Variants in SH3RF3 observed in about 807,000 individuals in gnomAD.
SH3RF3 encodes E3 ubiquitin-protein ligase SH3RF3.
SH3RF3 carries 29 observed loss-of-function variants against 66.3 expected under a neutral mutation model. The observed-to-expected ratio is 0.44, with a 90% CI of 0.33 to 0.60. SH3RF3 has a LOEUF of 0.60. Ranked by LOEUF, SH3RF3 falls within the 20% of genes least tolerant of loss-of-function variation. SH3RF3 has a pLI of 0.04. For synonymous variants in SH3RF3, 583 were observed against 532.0 expected (o/e 1.10, Z -1.32); for missense variants, 1,194 against 1,190.9 (o/e 1.00, Z -0.04).
intron 1 of SH3RF3, among the ~76,000 whole-genome samples, chr2:109,341,915 A>T (rs572621085): frequency 1.3e-5 from 2 of 152,342 alleles, no homozygotes; most frequent in Non-Finnish European, 2.9e-5. Context: ...AATTTGGAAT[A>T]TTCTGACAGA....
intron 8 of SH3RF3, among the ~76,000 whole-genome samples, chr2:109,477,488 C>A (rs1678714031): frequency 6.6e-6 from 1 of 152,218 alleles, no homozygotes; most frequent in African/African-American, 2.4e-5. Flanking sequence ...AGGCCCCCTC[C>A]CGCCAGACAC....
At chr2:109,341,191 C>T (rs1309496268) in intron 1 of SH3RF3, among the ~76,000 whole-genome samples, 1 of 152,196 alleles carries the variant, frequency 6.6e-6, no homozygotes, top group Non-Finnish European at 1.5e-5. Flanking sequence ...ACCCAACAAG[C>T]AGCTTTGAAT....
intron 3 of SH3RF3, among the ~76,000 whole-genome samples, chr2:109,381,895 A>G (rs1056920757): frequency 6.6e-6 from 1 of 152,062 alleles, no homozygotes; most frequent in African/African-American, 2.4e-5. Context: ...TGCATGTGCA[A>G]TGGGCAAACA....
chr2:109,441,578 C>T (rs6542828), intron 7 of SH3RF3, among the ~76,000 whole-genome samples: 71,990 of 152,036 alleles, frequency 0.47, 18,535 homozygotes, highest in Non-Finnish European at 0.55. Flanking sequence ...GCCTAATATA[C>T]GTGTAATTGG....
At chr2:109,278,363 G>T (rs1680807945) in intron 1 of SH3RF3, among the ~76,000 whole-genome samples, 1 of 152,154 alleles carries the variant, frequency 6.6e-6, no homozygotes, top group African/African-American at 2.4e-5. Flanking sequence ...ATCCCAGTGG[G>T]GCTTGCCAGT....
chr2:109,130,035 T>C lies in SH3RF3; in HGVS notation c.495T>C (p.Val165=). The stretch of plus-strand genomic sequence containing the variant: ...CAGGCAGCACCCCGGGTTCCCCGGT[T>C]TTCCTCTCCGCGGCCGCGGGCAGCA... ...GAAGSTPGSP[V]FLSAAAGSTA... Residue 165 remains valine (V), a synonymous_variant, in exon 1 of 10, where the codon GTT becomes GTC. Transcript: ENST00000309415. 7.4e-7 allele frequency: 1 copy of C among 1,352,448 alleles called. No homozygotes were observed. The highest frequency in any genetic ancestry group is 1.8e-5 in the South Asian group (1 of 54,386). The allele number at this position is 1,352,448 out of a possible 1,614,324, so 83.8% of individuals were successfully genotyped here. A position where few individuals can be genotyped will look rare whatever the true frequency, so the allele number is the denominator to read the frequency against.
chr2:109,439,752 C>G (rs1677508822), intron 7 of SH3RF3, among the ~76,000 whole-genome samples: 1 of 152,052 alleles, frequency 6.6e-6, no homozygotes, highest in Non-Finnish European at 1.5e-5. Flanking sequence ...CGAGAAGGAG[C>G]TAGATACAGG....
intron 8 of SH3RF3, among the ~76,000 whole-genome samples, chr2:109,472,556 A>G (rs1678551549): frequency 6.6e-6 from 1 of 152,018 alleles, no homozygotes; most frequent in South Asian, 2.1e-4. Context: ...CAATTGATGA[A>G]CCGACCTGCG....
At chr2:109,302,458 CACA>C (rs1559011641) in intron 1 of SH3RF3, among the ~76,000 whole-genome samples, 1 of 152,242 alleles carries the variant, frequency 6.6e-6, no homozygotes, top group East Asian at 1.9e-4. Flanking sequence ...AATAACCAGG[CACA>C]ACATGTGCCT....
intron 1 of SH3RF3, among the ~76,000 whole-genome samples, chr2:109,201,879 C>A (rs1269185226): frequency 6.6e-6 from 1 of 152,220 alleles, no homozygotes; most frequent in East Asian, 1.9e-4. Flanking sequence ...TGTTGCTAAG[C>A]CTCCTACCAA....
At chr2:109,365,006 G>A (rs571124227) in intron 2 of SH3RF3, among the ~76,000 whole-genome samples, 10 of 152,110 alleles carry the variant, frequency 6.6e-5, no homozygotes, top group African/African-American at 2.2e-4. Flanking sequence ...CAGAAGGATC[G>A]TGAGACTCTG....
At chr2:109,207,236 T>TA (rs1235086046) in intron 1 of SH3RF3, among the ~76,000 whole-genome samples, 1 of 152,236 alleles carries the variant, frequency 6.6e-6, no homozygotes, top group African/African-American at 2.4e-5. Flanking sequence ...TTTTATGAGT[T>TA]ACAATTATTA....
intron 1 of SH3RF3, among the ~76,000 whole-genome samples, chr2:109,136,639 C>T (rs560961241): frequency 6.6e-6 from 1 of 152,216 alleles, no homozygotes; most frequent in South Asian, 2.1e-4. Flanking sequence ...TGAAGGAGGC[C>T]CAAGAAGAGT....
In SH3RF3 at chr2:109,141,162, C is replaced by T. The variant is rs545529534; in HGVS notation, c.573+11049C>T. Among the ~76,000 whole-genome samples, 15 of 152,284 alleles carry T rather than the reference C, an allele frequency of 9.9e-5. No individual in the cohort carries two copies. In the South Asian group the frequency reaches 2.1e-3, roughly 21 times the overall value. ...ACACCCCCCGGAGCCCAGGTTTCTG[C>T]GGATTCCTCTCTTTTGTCTCCCTTC... On this transcript the variant is annotated intron_variant, in intron 1 of 9. Transcript: ENST00000309415.
At chr2:109,420,052 G>A (rs1438558777) in intron 5 of SH3RF3, among the ~76,000 whole-genome samples, 1 of 152,188 alleles carries the variant, frequency 6.6e-6, no homozygotes, top group African/African-American at 2.4e-5. Context: ...GCTTGGAAGT[G>A]GTTCTGTGTT....
At chr2:109,461,096 G>T (rs1049728042) in intron 8 of SH3RF3, among the ~76,000 whole-genome samples, 1 of 152,224 alleles carries the variant, frequency 6.6e-6, no homozygotes, top group East Asian at 1.9e-4. Context: ...GGCATTTTAG[G>T]CCACTTCCTC....
At chr2:109,448,640 AAT>A (rs1677776167) in intron 7 of SH3RF3, among the ~76,000 whole-genome samples, 1 of 152,216 alleles carries the variant, frequency 6.6e-6, no homozygotes, top group Non-Finnish European at 1.5e-5. Flanking sequence ...GTTGCAGGAA[AAT>A]AAGCTCAGGG....
chr2:109,458,227 C>T (rs1482425504), intron 8 of SH3RF3, among the ~76,000 whole-genome samples: 2 of 152,164 alleles, frequency 1.3e-5, no homozygotes, highest in South Asian at 4.1e-4. Flanking sequence ...TTATAGGACA[C>T]ATTTGTATAT....
At position 109,245,383 on chromosome 2, in the gene SH3RF3, CT is replaced by C. The variant is rs543023488; in HGVS notation, c.574-102288del. On this transcript the variant is annotated intron_variant, in intron 1 of 9. Transcript: ENST00000309415. ...CTGTAACTGGAATTCCCTCTTGGTG[CT>C]TTCATGTAATTTTTGTTTCTTTGTG... Among the ~76,000 whole-genome samples, 7 of 152,210 alleles carry C rather than the reference CT, an allele frequency of 4.6e-5. No homozygotes were observed. The East Asian group carries it at 1.2e-3, about 25-fold the overall frequency.
Sources: gnomAD v4.1 joint callset for allele counts (sites outside exome capture counted in the v4.1 genomes callset) on GRCh38, gnomAD v4.1.1 for gene constraint, MANE v1.5 for transcripts, NCBI Gene and HGNC (gene_info 2026-07-23, HGNC 2026-07-21) for gene names.